CABP1: variants seen among roughly 807,000 people sequenced by gnomAD.
The protein encoded by CABP1 is calcium binding protein 1, also known as calcium-binding protein 1.
In CABP1, 17 loss-of-function variants were observed where a neutral mutation model predicts 34.3. That is an observed-to-expected ratio of 0.50 (90% CI 0.34 to 0.74). CABP1 has a LOEUF of 0.74. CABP1 is among the 30% of genes least tolerant of loss of function. The pLI is 0.01. For missense variants in CABP1, 373 were observed against 511.1 expected, an observed-to-expected ratio of 0.73 and a Z score of 2.61; for synonymous variants, 198 against 229.2, an observed-to-expected ratio of 0.86 and a Z score of 1.23.
chr12:120,666,852 C>A, intron 5 of CABP1, 23 bp from the exon 6 acceptor site: 1 of 1,600,436 alleles, frequency 6.2e-7, no homozygotes, highest in Admixed American at 1.7e-5. Flanking sequence ...GCTTGCTCCC[C>A]AGCTGCTCCT....
intron 1 of CABP1, among the ~76,000 whole-genome samples, chr12:120,656,978 C>T (rs891491956): frequency 3.9e-5 from 6 of 152,160 alleles, no homozygotes; most frequent in Non-Finnish European, 5.9e-5. Context: ...GTAGGATTCA[C>T]ACTTGGATAG....
chr12:120,661,422 C>A lies in CABP1; in HGVS notation c.1087+204C>A. Reference sequence around the variant, plus strand: ...GCATCTATTCATGCATCTGTCCATCCATCTATCCATCCTCTACCTTTCCAT... The same window carrying A: ...GCATCTATTCATGCATCTGTCCATCAATCTATCCATCCTCTACCTTTCCAT... On this transcript the variant is annotated intron_variant, in intron 5 of 5. Transcript: ENST00000316803. The surrounding 1 kb of genome is among the most constrained non-coding windows in gnomAD (Gnocchi z 5.1). The A allele has an allele frequency of 1.8e-6, 1 of 566,678 alleles. No homozygotes were observed. Among genetic ancestry groups the A allele is most frequent in the Non-Finnish European group, 3.1e-6 (1 of 321,080 alleles). The allele number at this position is 566,678 out of a possible 1,614,324, so 35.1% of individuals were successfully genotyped here. A position where few individuals can be genotyped will look rare whatever the true frequency, so the allele number is the denominator to read the frequency against.
Position 120,661,156 on chromosome 12 carries a change from G to A in CABP1, c.1025G>A (p.Arg342Gln). 6 of 1,613,162 alleles carry A rather than the reference G, an allele frequency of 3.7e-6. No homozygotes were observed. The highest frequency in any genetic ancestry group is 5.1e-6 in the Non-Finnish European group (6 of 1,180,008). The change falls in exon 5 of 6, where the codon CGA (arginine) becomes CAA (glutamine). Residue 342 changes from arginine (R) to glutamine (Q), a missense_variant. Physicochemically the swap from Arg to Gln is conservative, Grantham distance 43. Around this residue, in one of 4 missense-constraint regions of CABP1, gnomAD observed 109 missense variants for 204.8 expected, o/e 0.53. Transcript: ENST00000316803. This position sits in a 1 kb window ranked among gnomAD's most constrained non-coding sequence, Gnocchi z 5.1. ...RKLLGHQVGHRDIEEIIRDVD... is the reference protein window; with the variant it reads ...RKLLGHQVGHQDIEEIIRDVD... ...CTCCTGGGTCATCAGGTGGGACACC[G>A]AGACATAGAGGAAATTATCCGAGAT...
chr12:120,656,560 C>T (rs1038797727), intron 1 of CABP1, among the ~76,000 whole-genome samples: 1 of 152,182 alleles, frequency 6.6e-6, no homozygotes, highest in Non-Finnish European at 1.5e-5. Flanking sequence ...CAGAGCAGCT[C>T]TAAGAGGTAG....
chr12:120,650,293 C>G lies in CABP1; in HGVS notation c.654+8954C>G, dbSNP rs148411480. On this transcript the variant is annotated intron_variant, in intron 1 of 5. Coordinates refer to ENST00000316803, the MANE Select transcript of CABP1 (RefSeq NM_001033677.2). ...TAATCTGATGTAGATGATCCGGCAGCCTTCTCCAGCTTGGTTCCCCTCTGC... is the reference window on the plus strand; with the variant it reads ...TAATCTGATGTAGATGATCCGGCAGGCTTCTCCAGCTTGGTTCCCCTCTGC... 2,128 of 347,692 alleles carry G rather than the reference C, an allele frequency of 6.1e-3. 17 individuals are homozygous for G. Among genetic ancestry groups the G allele is most frequent in the Admixed American group, 0.011 (235 of 22,306 alleles). The allele number at this position is 347,692 out of a possible 1,614,324, so 21.5% of individuals were successfully genotyped here.
intron 1 of CABP1, among the ~76,000 whole-genome samples, chr12:120,642,304 G>C (rs1593152709): frequency 6.6e-6 from 1 of 152,108 alleles, no homozygotes; most frequent in African/African-American, 2.4e-5. Flanking sequence ...GGAAACAGGG[G>C]GGGCTGTGCC....
chr12:120,655,541 G>T, intron 1 of CABP1: 1 of 1,199,974 alleles, frequency 8.3e-7, no homozygotes, highest in Non-Finnish European at 1.0e-6. Flanking sequence ...CTCTGGTCTG[G>T]CAGACCAGCC....
At chr12:120,647,025 G>A (rs902551765) in intron 1 of CABP1, among the ~76,000 whole-genome samples, 3 of 152,208 alleles carry the variant, frequency 2.0e-5, no homozygotes, top group Non-Finnish European at 4.4e-5. Flanking sequence ...ATAGGGACCA[G>A]GTTTTGCCGG....
intron 1 of CABP1, among the ~76,000 whole-genome samples, chr12:120,644,733 T>TAATG (rs930058389): frequency 3.3e-5 from 5 of 152,120 alleles, no homozygotes; most frequent in Non-Finnish European, 5.9e-5. Context: ...TCACAGTATT[T>TAATG]AATGAATGAA....
At position 120,659,861 on chromosome 12, in the gene CABP1, A is replaced by G. The variant is rs1566000238; in HGVS notation, c.655-17A>G. The G allele has an allele frequency of 2.5e-6, 4 of 1,612,250 alleles. No individual in the cohort carries two copies. The highest frequency in any genetic ancestry group is 3.4e-6 in the Non-Finnish European group (4 of 1,179,538). On this transcript the variant is annotated splice_polypyrimidine_tract_variant and intron_variant, in intron 1 of 5. Transcript: ENST00000316803. Reference sequence around the variant, plus strand: ...GGTCCCTTGTCGCGGCTAATAGGACATGTTCTTTTGTTTCAGGATAGATCA... The same window carrying G: ...GGTCCCTTGTCGCGGCTAATAGGACGTGTTCTTTTGTTTCAGGATAGATCA...
At chr12:120,650,475 AAG>A in intron 1 of CABP1, 1 of 1,492,198 alleles carries the variant, frequency 6.7e-7, no homozygotes, top group South Asian at 1.4e-5. Flanking sequence ...GCAGACGAGT[AAG>A]AGAGCACGCG....
chr12:120,676,651 T>A, the CABP1 span, among the ~76,000 whole-genome samples: 3 of 152,212 alleles, frequency 2.0e-5, no homozygotes, highest in East Asian at 3.8e-4. Flanking sequence ...GGCCTTGAAC[T>A]CCCGACTTCA....
chr12:120,641,093 T>A lies in CABP1; in HGVS notation c.408T>A (p.Arg136=). 8.3e-7 allele frequency: 1 copy of A among 1,203,388 alleles called. No individual in the cohort carries two copies. The highest frequency in any genetic ancestry group is 1.0e-6 in the Non-Finnish European group (1 of 969,968). The allele number at this position is 1,203,388 out of a possible 1,614,324, so 74.5% of individuals were successfully genotyped here. ...PREEGARGSQ[R]VLPQAHCRPR... is the part of the protein sequence containing the mutation. ...AGGAGGGCGCGCGGGGGAGCCAGCG[T>A]GTGCTCCCCCAGGCGCACTGCAGGC... The change falls in exon 1 of 6, where the codon CGT becomes CGA. Residue 136 remains arginine (R), a synonymous_variant. Coordinates refer to ENST00000316803, the MANE Select transcript of CABP1 (RefSeq NM_001033677.2). This position sits in a 1 kb window ranked among gnomAD's most constrained non-coding sequence, Gnocchi z 6.7.
intron 1 of CABP1, among the ~76,000 whole-genome samples, chr12:120,654,647 GGC>G (rs1880052928): frequency 1.4e-3 from 1 of 694 alleles, no homozygotes; most frequent in Non-Finnish European, 3.2e-3. Flanking sequence ...CCAGGCCGAA[GGC>G]AGAGTGCAGG....
In CABP1 at chr12:120,647,634, C is replaced by G. The variant is rs1040350681; in HGVS notation, c.654+6295C>G. On this transcript the variant is annotated intron_variant, in intron 1 of 5. Coordinates refer to ENST00000316803, the MANE Select transcript of CABP1 (RefSeq NM_001033677.2). Reference sequence around the variant, plus strand: ...TCAGCCTGGAGTGCAATGACGCGATCTCGACTCACTGCAATCTCCGCCTCC... The same window carrying G: ...TCAGCCTGGAGTGCAATGACGCGATGTCGACTCACTGCAATCTCCGCCTCC... 1.1e-4 allele frequency among the ~76,000 whole-genome samples: 15 copies of G among 139,420 alleles called. No individual in the cohort carries two copies. In the Admixed American group the frequency reaches 1.1e-3, roughly 10 times the overall value. The allele number at this position is 139,420 out of a possible 152,430, so 91.5% of individuals were successfully genotyped here.
intron 1 of CABP1, chr12:120,659,499 T>A (rs907083316): frequency 5.5e-6 from 1 of 181,340 alleles, no homozygotes; most frequent in African/African-American, 2.4e-5. Flanking sequence ...TTTTTGTTTT[T>A]TTTTTTTGAG....
chr12:120,661,291 C>T lies in CABP1; in HGVS notation c.1087+73C>T. The T allele has an allele frequency of 6.6e-7, 1 of 1,525,712 alleles. No individual in the cohort carries two copies. The highest frequency in any genetic ancestry group is 8.8e-7 in the Non-Finnish European group (1 of 1,134,162). The allele number at this position is 1,525,712 out of a possible 1,614,324, so 94.5% of individuals were successfully genotyped here. On this transcript the variant is annotated intron_variant, in intron 5 of 5. Coordinates refer to ENST00000316803, the MANE Select transcript of CABP1 (RefSeq NM_001033677.2). The surrounding 1 kb of genome is among the most constrained non-coding windows in gnomAD (Gnocchi z 5.1). ...CCATGGAGCCCTCCAATTGTGTATCCATCATGCAACCATCAATCCGCCCTA... is the reference window on the plus strand; with the variant it reads ...CCATGGAGCCCTCCAATTGTGTATCTATCATGCAACCATCAATCCGCCCTA...
At chr12:120,646,963 T>C (rs949765788) in intron 1 of CABP1, among the ~76,000 whole-genome samples, 3 of 152,238 alleles carry the variant, frequency 2.0e-5, no homozygotes, top group Non-Finnish European at 4.4e-5. Context: ...TATCAGCTCC[T>C]GCACCTGCCC....
At chr12:120,650,778 G>A in intron 1 of CABP1, 1 of 1,293,280 alleles carries the variant, frequency 7.7e-7, no homozygotes, top group Non-Finnish European at 1.1e-6. Flanking sequence ...GCTGGAGCTT[G>A]CTATCCTTCC....
Sources: gnomAD v4.1 joint callset for allele counts (sites outside exome capture counted in the v4.1 genomes callset) on GRCh38, gnomAD v4.1.1 for gene constraint, gnomAD v4.1.1 regional missense constraint, Gnocchi (gnomAD v3.1) non-coding constraint, MANE v1.5 for transcripts, NCBI Gene and HGNC (gene_info 2026-07-23, HGNC 2026-07-21) for gene names.